KCNH7: variants seen among roughly 807,000 people sequenced by gnomAD.
KCNH7 encodes voltage-gated inwardly rectifying potassium channel KCNH7.
Under a neutral mutation model 120.8 loss-of-function variants are expected in KCNH7, and 49 were observed. That is an observed-to-expected ratio of 0.41 (90% CI 0.32 to 0.51). The LOEUF is 0.51. Among genes scored for constraint, KCNH7 ranks in the 20% least tolerant of loss-of-function variants. The pLI is 0.38. For synonymous variants in KCNH7, 547 were observed against 516.1 expected, an observed-to-expected ratio of 1.06 and a Z score of -0.81; for missense variants, 1,097 against 1,446.6, an observed-to-expected ratio of 0.76 and a Z score of 3.92.
rs1314294764 is a variant in KCNH7, at chr2:162,461,335, C to A, written c.1129-14892G>T. Among the ~76,000 whole-genome samples the A allele has an allele frequency of 3.3e-5, 5 of 152,218 alleles. No homozygotes were observed. The East Asian group carries it at 9.6e-4, about 29-fold the overall frequency. ...CCCTGAGTGTCAATTTTCTTACTAG[C>A]AAAATGAGGACAACAATATACAATT... On this transcript the variant is annotated intron_variant, in intron 6 of 15. Transcript: ENST00000332142.
At chr2:162,406,551 T>C (rs915830694) in intron 9 of KCNH7, among the ~76,000 whole-genome samples, 4 of 151,956 alleles carry the variant, frequency 2.6e-5, no homozygotes, top group African/African-American at 9.7e-5. Flanking sequence ...TCATTAAATA[T>C]ACTTAAATCT....
At chr2:162,419,632 A>G (rs1687641182) in intron 9 of KCNH7, among the ~76,000 whole-genome samples, 1 of 152,112 alleles carries the variant, frequency 6.6e-6, no homozygotes, top group African/African-American at 2.4e-5. Context: ...GGTAAGGAGT[A>G]AATTCTCCAT....
At chr2:162,407,805 G>T (rs762481649) in intron 9 of KCNH7, among the ~76,000 whole-genome samples, 2 of 151,988 alleles carry the variant, frequency 1.3e-5, no homozygotes, top group Non-Finnish European at 2.9e-5. Context: ...TGGATTGATT[G>T]TAGATGACCT....
intron 2 of KCNH7, among the ~76,000 whole-genome samples, chr2:162,634,917 G>A (rs957861477): frequency 2.0e-5 from 3 of 152,052 alleles, no homozygotes; most frequent in Admixed American, 6.6e-5. Context: ...AACACCTTCC[G>A]TTCTCTTTAT....
intron 2 of KCNH7, among the ~76,000 whole-genome samples, chr2:162,679,733 G>A (rs1685650896): frequency 6.6e-6 from 1 of 151,380 alleles, no homozygotes; most frequent in South Asian, 2.1e-4. Flanking sequence ...ATCTTTCAGG[G>A]TGAAAAACAA....
chr2:162,542,735 G>T (rs896798590), intron 2 of KCNH7, among the ~76,000 whole-genome samples: 1 of 151,932 alleles, frequency 6.6e-6, no homozygotes, highest in Non-Finnish European at 1.5e-5. Flanking sequence ...CTTTATAGCA[G>T]CATGACTTAT....
At chr2:162,478,611 C>T (rs977578371) in intron 6 of KCNH7, among the ~76,000 whole-genome samples, 5 of 152,044 alleles carry the variant, frequency 3.3e-5, no homozygotes, top group Non-Finnish European at 4.4e-5. Flanking sequence ...CTTCAGGGAC[C>T]GCACAAAATG....
intron 2 of KCNH7, among the ~76,000 whole-genome samples, chr2:162,669,685 A>T (rs1434410317): frequency 2.0e-5 from 3 of 152,210 alleles, no homozygotes; most frequent in Non-Finnish European, 4.4e-5. Flanking sequence ...AGTTACTAGC[A>T]TCTAGTGAGT....
At chr2:162,638,301 A>G (rs1684032221) in intron 2 of KCNH7, among the ~76,000 whole-genome samples, 2 of 152,080 alleles carry the variant, frequency 1.3e-5, no homozygotes, top group Non-Finnish European at 1.5e-5. Flanking sequence ...CTTAATCATC[A>G]GTTGCATTTT....
chr2:162,479,204 G>T (rs1390437475), intron 6 of KCNH7, among the ~76,000 whole-genome samples: 1 of 147,328 alleles, frequency 6.8e-6, no homozygotes. Context: ...TCATTCAATA[G>T]CTTGAATATA....
chr2:162,836,407 C>T, intron 2 of KCNH7, 130 bp downstream of exon 2: 2 of 707,094 alleles, frequency 2.8e-6, no homozygotes, highest in South Asian at 3.8e-5. Flanking sequence ...ATGTTGGATC[C>T]CAAAATACTA....
At chr2:162,470,429 G>A (rs1451997978) in intron 6 of KCNH7, among the ~76,000 whole-genome samples, 5 of 144,252 alleles carry the variant, frequency 3.5e-5, no homozygotes, top group East Asian at 2.5e-4. Flanking sequence ...CCCTACGCCC[G>A]GCAGCCGCCC....
At chr2:162,463,930 T>C (rs1689232023) in intron 6 of KCNH7, among the ~76,000 whole-genome samples, 1 of 151,976 alleles carries the variant, frequency 6.6e-6, no homozygotes, top group Non-Finnish European at 1.5e-5. Context: ...AAACAAATCA[T>C]GTATTCTACT....
At chr2:162,608,324 G>A (rs563371804) in intron 2 of KCNH7, among the ~76,000 whole-genome samples, 2 of 152,248 alleles carry the variant, frequency 1.3e-5, no homozygotes, top group South Asian at 2.1e-4. Flanking sequence ...ATTTTCTTTA[G>A]TAGGTTTAGC....
At position 162,838,502 on chromosome 2, in the gene KCNH7, C is replaced by T; in HGVS notation, c.17G>A (p.Gly6Glu). 1.2e-6 allele frequency: 2 copies of T among 1,613,284 alleles called. No homozygotes were observed. The highest frequency in any genetic ancestry group is 1.7e-6 in the Non-Finnish European group (2 of 1,179,890). MPVRR[G>E]HVAPQNTFLG... ...AAATGTATTTTGTGGTGCCACATGC[C>T]CCCTGCGCACAGGCATGTTGGCCCC... is the stretch of plus-strand genomic sequence containing the variant. The change falls in exon 1 of 16, where the codon GGG (glycine) becomes GAG (glutamate). Residue 6 changes from glycine to glutamate, a missense_variant. Around this residue, in one of 8 missense-constraint regions of KCNH7, gnomAD observed 57 missense variants for 116.2 expected, o/e 0.49. Coordinates refer to ENST00000332142, the MANE Select transcript of KCNH7 (RefSeq NM_033272.4).
intron 2 of KCNH7, 152 bp downstream of exon 2, chr2:162,836,385 G>A (rs151276603): frequency 6.2e-5 from 39 of 628,214 alleles, no homozygotes; most frequent in Middle Eastern, 8.2e-4. Context: ...CCACTAATCA[G>A]AATACCCATA....
At chr2:162,566,836 G>A (rs1693273390) in intron 2 of KCNH7, among the ~76,000 whole-genome samples, 1 of 151,948 alleles carries the variant, frequency 6.6e-6, no homozygotes, top group African/African-American at 2.4e-5. Context: ...GAACACAGGA[G>A]TATCCAAAGG....
chr2:162,801,873 G>A (rs1400071807), intron 2 of KCNH7, among the ~76,000 whole-genome samples: 1 of 151,682 alleles, frequency 6.6e-6, no homozygotes, highest in Non-Finnish European at 1.5e-5. Flanking sequence ...GTTCCTTACA[G>A]CCTCAGTACA....
chr2:162,425,366 G>A (rs1436003730), intron 8 of KCNH7, among the ~76,000 whole-genome samples: 1 of 151,954 alleles, frequency 6.6e-6, no homozygotes, highest in African/African-American at 2.4e-5. Context: ...CTCTAGTGAG[G>A]CTGAATTGGC....
Sources: gnomAD v4.1 joint callset for allele counts (sites outside exome capture counted in the v4.1 genomes callset) on GRCh38, gnomAD v4.1.1 for gene constraint, gnomAD v4.1.1 regional missense constraint, MANE v1.5 for transcripts, NCBI Gene and HGNC (gene_info 2026-07-23, HGNC 2026-07-21) for gene names.